XKR9: variants seen among roughly 807,000 people sequenced by gnomAD.
The protein encoded by XKR9 is XK related 9, also known as XK-related protein 9.
XKR9 carries 32 observed loss-of-function variants against 32.0 expected under a neutral mutation model. The ratio of observed to expected loss-of-function variants is 1.00; its 90% CI spans 0.76 to 1.34. The LOEUF (loss-of-function observed/expected upper bound fraction) is 1.34, where lower values mean the gene tolerates loss of function less well. Among genes scored for constraint, XKR9 ranks in the 40% most tolerant of loss-of-function variants. The probability of loss-of-function intolerance (pLI) is 0.00; values close to 1 mark genes in which losing one functional copy is unlikely to be tolerated. For missense variants in XKR9, 546 were observed against 429.7 expected (o/e 1.27, Z -2.39); for synonymous variants, 168 against 143.4 (o/e 1.17, Z -1.22).
the XKR9 span, among the ~76,000 whole-genome samples, chr8:71,014,330 A>C: frequency 6.6e-6 from 1 of 152,196 alleles, no homozygotes; most frequent in Non-Finnish European, 1.5e-5. Flanking sequence ...TTACAACAAC[A>C]GAGTGTTCTC....
the XKR9 span, among the ~76,000 whole-genome samples, chr8:71,041,681 G>T: frequency 1.3e-5 from 2 of 152,064 alleles, no homozygotes; most frequent in Non-Finnish European, 2.9e-5. Flanking sequence ...AACAGTGAGG[G>T]CATTCTCATG....
chr8:70,810,987 A>T, the XKR9 span, among the ~76,000 whole-genome samples: 2 of 152,210 alleles, frequency 1.3e-5, no homozygotes, highest in Non-Finnish European at 2.9e-5. Flanking sequence ...CAGAATGTAC[A>T]TTCTTTTCAG....
At chr8:70,675,384 T>C (rs1268328475) in intron 2 of XKR9, among the ~76,000 whole-genome samples, 1 of 152,216 alleles carries the variant, frequency 6.6e-6, no homozygotes, top group African/African-American at 2.4e-5. Flanking sequence ...GGCTCCCTTT[T>C]AGTTTTGCAA....
the XKR9 span, among the ~76,000 whole-genome samples, chr8:70,968,859 C>T: frequency 1.4e-4 from 22 of 152,272 alleles, no homozygotes; most frequent in Admixed American, 8.5e-4. Context: ...TGATGCTTCC[C>T]GCATGCTCAT....
At chr8:70,882,224 A>T in the XKR9 span, among the ~76,000 whole-genome samples, 1 of 152,140 alleles carries the variant, frequency 6.6e-6, no homozygotes, top group Non-Finnish European at 1.5e-5. Context: ...TCAAACTTGC[A>T]CATTGTGCAC....
At chr8:70,849,961 T>C in the XKR9 span, among the ~76,000 whole-genome samples, 30 of 147,772 alleles carry the variant, frequency 2.0e-4, no homozygotes, top group African/African-American at 7.2e-4. Flanking sequence ...AGTTCTGAAA[T>C]TGAAGCAGTA....
At chr8:71,021,310 C>A in the XKR9 span, among the ~76,000 whole-genome samples, 1 of 152,094 alleles carries the variant, frequency 6.6e-6, no homozygotes, top group East Asian at 1.9e-4. Context: ...TTGTTGGCCA[C>A]TTGTATGTCT....
At chr8:70,977,485 G>A in the XKR9 span, among the ~76,000 whole-genome samples, 3 of 150,256 alleles carry the variant, frequency 2.0e-5, no homozygotes, top group Non-Finnish European at 4.5e-5. Flanking sequence ...TGTTTATTTC[G>A]TTATTTACCC....
At chr8:71,044,018 A>T in the XKR9 span, among the ~76,000 whole-genome samples, 1 of 152,228 alleles carries the variant, frequency 6.6e-6, no homozygotes, top group African/African-American at 2.4e-5. Flanking sequence ...GTGTGAAAAA[A>T]GAAACTGCAA....
chr8:70,682,923 A>C (rs537817045), intron 3 of XKR9, among the ~76,000 whole-genome samples: 30 of 152,326 alleles, frequency 2.0e-4, no homozygotes, highest in South Asian at 4.1e-4. Flanking sequence ...GTTCATACAA[A>C]GCTGCTTTGC....
At chr8:70,899,002 T>C in the XKR9 span, among the ~76,000 whole-genome samples, 1 of 152,152 alleles carries the variant, frequency 6.6e-6, no homozygotes, top group East Asian at 1.9e-4. Flanking sequence ...CAGCCTTGAC[T>C]TCCCAGGCTC....
the XKR9 span, among the ~76,000 whole-genome samples, chr8:70,936,215 C>T: frequency 1.3e-5 from 2 of 152,016 alleles, no homozygotes; most frequent in Non-Finnish European, 2.9e-5. Flanking sequence ...GGGGAAATAG[C>T]TGAAAGCCTA....
chr8:70,987,613 A>G, the XKR9 span, among the ~76,000 whole-genome samples: 1 of 152,242 alleles, frequency 6.6e-6, no homozygotes. Context: ...GGCTGCTCTC[A>G]CAGGCTGGTG....
At chr8:70,671,096 A>G (rs534376923) in intron 1 of XKR9, among the ~76,000 whole-genome samples, 1 of 152,360 alleles carries the variant, frequency 6.6e-6, no homozygotes, top group East Asian at 1.9e-4. Context: ...CAGTGGCACT[A>G]TCATAGCTCA....
chr8:70,909,809 A>T, the XKR9 span, among the ~76,000 whole-genome samples: 2 of 147,240 alleles, frequency 1.4e-5, no homozygotes, highest in Non-Finnish European at 1.5e-5. Context: ...CCTGGGTTCA[A>T]GTGATTCTCA....
chr8:70,820,060 AAAC>A, the XKR9 span, among the ~76,000 whole-genome samples: 1 of 152,222 alleles, frequency 6.6e-6, no homozygotes, highest in Non-Finnish European at 1.5e-5. Flanking sequence ...GCATTTGAGA[AAAC>A]AACAAAAGCA....
At chr8:70,698,632 G>A (rs1275134007) in intron 3 of XKR9, among the ~76,000 whole-genome samples, 2 of 149,136 alleles carry the variant, frequency 1.3e-5, no homozygotes, top group African/African-American at 5.1e-5. Context: ...GAATAGGTGT[G>A]GTGTGGTGCT....
the XKR9 span, among the ~76,000 whole-genome samples, chr8:70,838,636 T>C: frequency 6.6e-6 from 1 of 151,958 alleles, no homozygotes; most frequent in South Asian, 2.1e-4. Flanking sequence ...CAACAAAAAC[T>C]GGTGGGCAAA....
At chr8:70,736,099 A>G (rs1455232054), downstream of XKR9, among the ~76,000 whole-genome samples, 4 of 152,144 alleles carry the variant, frequency 2.6e-5, no homozygotes, top group South Asian at 4.1e-4. Context: ...AAGTGTTCCT[A>G]TTTCTCCACA....
Sources: gnomAD v4.1 joint callset for allele counts (sites outside exome capture counted in the v4.1 genomes callset) on GRCh38, gnomAD v4.1.1 for gene constraint, MANE v1.5 for transcripts, NCBI Gene and HGNC (gene_info 2026-07-23, HGNC 2026-07-21) for gene names.